The following EYS variants were observed in gnomAD, a reference collection of about 807,000 sequenced individuals.
The protein encoded by EYS is protein eyes shut homolog.
Under a neutral mutation model 282.1 loss-of-function variants are expected in EYS, and 250 were observed. The observed-to-expected ratio is 0.89, with a 90% confidence interval of 0.80 to 0.98. EYS has a LOEUF of 0.98. EYS is among the 50% of genes least tolerant of loss of function. The pLI, the probability that EYS is intolerant of heterozygous loss-of-function variation, is 0.00. For missense variants in EYS, 4,016 were observed against 3,709.0 expected (o/e 1.08, Z -2.15); for synonymous variants, 1,355 against 1,282.9 (o/e 1.06, Z -1.20).
intron 26 of EYS, among the ~76,000 whole-genome samples, chr6:64,478,763 A>C (rs1018194106): frequency 6.6e-6 from 1 of 150,954 alleles, no homozygotes; most frequent in South Asian, 2.1e-4. Context: ...TATCTGTTTA[A>C]CTCTATTATT....
intron 18 of EYS, among the ~76,000 whole-genome samples, chr6:64,901,747 A>G (rs1767671630): frequency 1.3e-5 from 2 of 152,288 alleles, no homozygotes; most frequent in South Asian, 4.1e-4. Context: ...AATATTAAAT[A>G]TTGTATAAAA....
intron 31 of EYS, among the ~76,000 whole-genome samples, chr6:64,229,937 G>A (rs1766370124): frequency 6.6e-6 from 1 of 152,186 alleles, no homozygotes; most frequent in African/African-American, 2.4e-5. Context: ...TAGACACAAT[G>A]ACACTTCAGC....
chr6:63,940,189 C>T (rs558300396), intron 35 of EYS, among the ~76,000 whole-genome samples: 119 of 152,054 alleles, frequency 7.8e-4, no homozygotes, highest in African/African-American at 2.7e-3. Context: ...GAAGTGTTCC[C>T]AAGAAGCAGA....
At chr6:64,532,818 T>A (rs77290334) in intron 26 of EYS, among the ~76,000 whole-genome samples, 2,185 of 152,254 alleles carry the variant, frequency 0.014, 44 homozygotes, top group East Asian at 0.083. Flanking sequence ...AATAAAAAAT[T>A]ATGAGTCTCT....
chr6:65,282,932 T>C (rs1185294326), intron 12 of EYS, among the ~76,000 whole-genome samples: 2 of 151,970 alleles, frequency 1.3e-5, no homozygotes, highest in Non-Finnish European at 2.9e-5. Context: ...TCATGTAATT[T>C]AGCATATTTT....
intron 33 of EYS, among the ~76,000 whole-genome samples, chr6:64,010,940 C>T (rs1284507875): frequency 6.6e-6 from 1 of 151,900 alleles, no homozygotes; most frequent in Non-Finnish European, 1.5e-5. Context: ...CAGATGGCAG[C>T]CTTTCTCTTT....
Position 64,042,009 on chromosome 6 carries a change from A to G in EYS, c.6725+24329T>C, listed in dbSNP as rs9450633. Among the ~76,000 whole-genome samples, 286 of 152,274 alleles carry G rather than the reference A, an allele frequency of 1.9e-3. 1 individual carries two copies. The highest frequency in any genetic ancestry group is 6.6e-3 in the African/African-American group (275 of 41,546). On this transcript the variant is annotated intron_variant, in intron 33 of 42. Coordinates refer to ENST00000503581, the MANE Select transcript of EYS (RefSeq NM_001142800.2). ...TCTTCATAGTTCTTTTTTAGTTTCTAAAATACCAGTGTAAGTGAGAAAAGG... is the reference window on the plus strand; with the variant it reads ...TCTTCATAGTTCTTTTTTAGTTTCTGAAATACCAGTGTAAGTGAGAAAAGG...
At chr6:65,457,801 C>G (rs1205121566) in intron 5 of EYS, among the ~76,000 whole-genome samples, 1 of 152,002 alleles carries the variant, frequency 6.6e-6, no homozygotes, top group Non-Finnish European at 1.5e-5. Flanking sequence ...GTTCCTAGAC[C>G]TAATTAGATG....
At chr6:65,703,325 G>A (rs1769747635) in intron 1 of EYS, among the ~76,000 whole-genome samples, 1 of 152,078 alleles carries the variant, frequency 6.6e-6, no homozygotes, top group African/African-American at 2.4e-5. Flanking sequence ...TACATAGAAA[G>A]ATACATGGAT....
chr6:64,407,739 T>G (rs1773766432), intron 28 of EYS, among the ~76,000 whole-genome samples: 1 of 152,180 alleles, frequency 6.6e-6, no homozygotes, highest in Non-Finnish European at 1.5e-5. Context: ...TTATTATCAT[T>G]ATTATTTTAG....
At chr6:63,837,869 G>A (rs572283616) in intron 36 of EYS, among the ~76,000 whole-genome samples, 3 of 152,080 alleles carry the variant, frequency 2.0e-5, no homozygotes, top group Non-Finnish European at 4.4e-5. Flanking sequence ...AAGAGTTTAC[G>A]TAAGATTGGA....
At chr6:64,466,983 T>G (rs759077321) in intron 26 of EYS, among the ~76,000 whole-genome samples, 1 of 152,086 alleles carries the variant, frequency 6.6e-6, no homozygotes, top group Non-Finnish European at 1.5e-5. Flanking sequence ...TTGTATAACT[T>G]ATAACTGACA....
At chr6:64,345,169 T>A (rs1391953691) in intron 29 of EYS, among the ~76,000 whole-genome samples, 3 of 152,152 alleles carry the variant, frequency 2.0e-5, no homozygotes, top group African/African-American at 7.2e-5. Context: ...AAGCTACCAA[T>A]GACTTTCTTC....
intron 8 of EYS, among the ~76,000 whole-genome samples, chr6:65,365,696 C>T (rs1390811253): frequency 6.6e-6 from 1 of 151,524 alleles, no homozygotes; most frequent in African/African-American, 2.4e-5. Flanking sequence ...TTACATAGCA[C>T]TAAGAGATTA....
intron 5 of EYS, among the ~76,000 whole-genome samples, chr6:65,421,493 G>A (rs977370245): frequency 1.3e-5 from 2 of 151,728 alleles, no homozygotes; most frequent in East Asian, 3.9e-4. Context: ...CAACAATAAG[G>A]CTCTTTAGGT....
chr6:65,506,092 C>G (rs1766642928), intron 2 of EYS, among the ~76,000 whole-genome samples: 1 of 152,092 alleles, frequency 6.6e-6, no homozygotes, highest in African/African-American at 2.4e-5. Context: ...ATTGTTATGT[C>G]TGTTTGCAGA....
At chr6:65,428,045 C>G (rs1030117099) in intron 5 of EYS, among the ~76,000 whole-genome samples, 9 of 151,876 alleles carry the variant, frequency 5.9e-5, no homozygotes, top group African/African-American at 2.2e-4. Flanking sequence ...ATTTGATGTT[C>G]AACTTAGCAA....
At chr6:64,548,893 C>T (rs1402742555) in intron 26 of EYS, among the ~76,000 whole-genome samples, 1 of 151,952 alleles carries the variant, frequency 6.6e-6, no homozygotes, top group African/African-American at 2.4e-5. Flanking sequence ...CTCCTTCCTC[C>T]CAACTGTTGC....
At chr6:64,851,916 C>T (rs543194821) in intron 19 of EYS, among the ~76,000 whole-genome samples, 1 of 152,070 alleles carries the variant, frequency 6.6e-6, no homozygotes, top group South Asian at 2.1e-4. Context: ...TACAAGAAAC[C>T]CCCATGAATA....
Sources: allele counts gnomAD v4.1 joint callset (sites outside exome capture counted in the v4.1 genomes callset), GRCh38; gene constraint gnomAD v4.1.1; transcripts MANE v1.5; gene names NCBI Gene and HGNC (gene_info 2026-07-23, HGNC 2026-07-21).